The following DAPK1 variants were observed in gnomAD, a reference collection of about 807,000 sequenced individuals.
DAPK1 encodes death-associated protein kinase 1.
Under a neutral mutation model 144.9 loss-of-function variants are expected in DAPK1, and 56 were observed. The ratio of observed to expected loss-of-function variants is 0.39; its 90% CI spans 0.31 to 0.48. The LOEUF (loss-of-function observed/expected upper bound fraction) is 0.48, where lower values mean the gene tolerates loss of function less well. Ranked by LOEUF, DAPK1 falls within the 20% of genes least tolerant of loss-of-function variation. The pLI, the probability that DAPK1 is intolerant of heterozygous loss-of-function variation, is 0.95. For missense variants in DAPK1, 1,454 were observed against 1,875.4 expected (o/e 0.78, Z 4.15); for synonymous variants, 690 against 749.0 (o/e 0.92, Z 1.29).
chr9:87,594,333 GC>G (rs1410548815), intron 2 of DAPK1, among the ~76,000 whole-genome samples: 10 of 152,158 alleles, frequency 6.6e-5, no homozygotes, highest in South Asian at 4.1e-4. Context: ...TAGGGATGGT[GC>G]TGAGTAAAGT....
chr9:87,591,483 G>A (rs1253291088), intron 2 of DAPK1, among the ~76,000 whole-genome samples: 1 of 152,166 alleles, frequency 6.6e-6, no homozygotes, highest in Non-Finnish European at 1.5e-5. Context: ...TATAAATTTA[G>A]GAACCCATAA....
chr9:87,616,605 G>A (rs1829105877), intron 3 of DAPK1, among the ~76,000 whole-genome samples: 2 of 152,220 alleles, frequency 1.3e-5, no homozygotes, highest in African/African-American at 4.8e-5. Context: ...CACACAAACA[G>A]GGAAATTTGA....
intron 2 of DAPK1, among the ~76,000 whole-genome samples, chr9:87,512,747 G>T (rs1437826662): frequency 6.6e-6 from 1 of 152,126 alleles, no homozygotes; most frequent in Non-Finnish European, 1.5e-5. Context: ...AGGTTCAAGA[G>T]ATTCTCCTGC....
At chr9:87,681,076 C>T (rs551973133) in intron 19 of DAPK1, among the ~76,000 whole-genome samples, 25 of 152,128 alleles carry the variant, frequency 1.6e-4, no homozygotes, top group South Asian at 1.5e-3. Flanking sequence ...GTCGGGAGTT[C>T]GAGACCAGCC....
Position 87,681,561 on chromosome 9 carries a change from G to A in DAPK1, c.2159G>A (p.Arg720Gln). 5 of 1,612,916 alleles carry A rather than the reference G, an allele frequency of 3.1e-6. No individual in the cohort carries two copies. The highest frequency in any genetic ancestry group is 2.2e-5 in the East Asian group (1 of 44,864). Residue 720 changes from arginine to glutamine, a missense_variant, in exon 20 of 26, where the codon CGG (arginine) becomes CAG (glutamine). Transcript: ENST00000408954. ...CTGAGGAGCTTTTTCAGAAGGCGTC[G>A]GCCCAGACTGTCTTCCACCAACTCC... ...GLLRSFFRRR[R>Q]PRLSSTNSSR...
chr9:87,643,282 A>G, intron 10 of DAPK1, 94 bp from the exon 11 acceptor site: 4 of 711,928 alleles, frequency 5.6e-6, no homozygotes, highest in Non-Finnish European at 9.2e-6. Flanking sequence ...GTTTGTACTC[A>G]TTTGACAATT....
chr9:87,571,495 C>CACACACA (rs1827350036), intron 2 of DAPK1, among the ~76,000 whole-genome samples: 2 of 30,754 alleles, frequency 6.5e-5, no homozygotes, highest in Middle Eastern at 0.015. Context: ...ACACACACAC[C>CACACACA]CCAACACACA....
chr9:87,539,822 T>C (rs183575894), intron 2 of DAPK1, among the ~76,000 whole-genome samples: 18 of 152,242 alleles, frequency 1.2e-4, no homozygotes, highest in African/African-American at 4.3e-4. Flanking sequence ...CTGTCTACAT[T>C]CGCTGACTGT....
intron 2 of DAPK1, among the ~76,000 whole-genome samples, chr9:87,521,052 T>C (rs745350986): frequency 2.6e-5 from 4 of 152,234 alleles, no homozygotes; most frequent in Non-Finnish European, 5.9e-5. Context: ...AAATCTAATA[T>C]GTGATCTACT....
chr9:87,610,022 C>A (rs1218965346), intron 3 of DAPK1, among the ~76,000 whole-genome samples: 1 of 152,118 alleles, frequency 6.6e-6, no homozygotes, highest in South Asian at 2.1e-4. Context: ...TGCCACTGAC[C>A]CAAAAAGGTA....
At chr9:87,599,908 A>G (rs992098248) in intron 2 of DAPK1, among the ~76,000 whole-genome samples, 2 of 152,172 alleles carry the variant, frequency 1.3e-5, no homozygotes, top group Non-Finnish European at 2.9e-5. Flanking sequence ...GACATCGTAT[A>G]TGTATATGTG....
chr9:87,656,137 G>A lies in DAPK1; in HGVS notation c.1825-1892G>A, dbSNP rs558715488. 1.7e-3 allele frequency among the ~76,000 whole-genome samples: 262 copies of A among 152,292 alleles called. 1 individual carries two copies. The highest frequency in any genetic ancestry group is 3.4e-3 in the Middle Eastern group (1 of 294). Reference sequence around the variant, plus strand: ...TCAGAGTTGATCACTTAAGATGATCGAGGCTTTGACAGATGGAGAAGAGGG... The same window carrying A: ...TCAGAGTTGATCACTTAAGATGATCAAGGCTTTGACAGATGGAGAAGAGGG... On this transcript the variant is annotated intron_variant, in intron 17 of 25. Transcript: ENST00000408954.
At chr9:87,580,935 C>T (rs1048184281) in intron 2 of DAPK1, among the ~76,000 whole-genome samples, 1 of 152,162 alleles carries the variant, frequency 6.6e-6, no homozygotes, top group Non-Finnish European at 1.5e-5. Flanking sequence ...CTTTGTACAA[C>T]TTGACATTGA....
chr9:87,615,405 C>A (rs868192993), intron 3 of DAPK1, among the ~76,000 whole-genome samples: 1 of 152,190 alleles, frequency 6.6e-6, no homozygotes, highest in African/African-American at 2.4e-5. Flanking sequence ...AAGGCAGTGA[C>A]CGAGCATGGC....
intron 2 of DAPK1, among the ~76,000 whole-genome samples, chr9:87,590,362 T>C (rs1587745574): frequency 7.0e-6 from 1 of 143,178 alleles, no homozygotes; most frequent in East Asian, 2.0e-4. Flanking sequence ...GTGCAGATCA[T>C]TGGCCTCAAA....
At chr9:87,616,267 A>G (rs531313053) in intron 3 of DAPK1, among the ~76,000 whole-genome samples, 196 of 152,326 alleles carry the variant, frequency 1.3e-3, no homozygotes, top group African/African-American at 4.6e-3. Flanking sequence ...TGATAGTGGC[A>G]TGTGCCTATA....
At chr9:87,515,651 A>G (rs1169583798) in intron 2 of DAPK1, among the ~76,000 whole-genome samples, 2 of 152,158 alleles carry the variant, frequency 1.3e-5, no homozygotes, top group Non-Finnish European at 2.9e-5. Context: ...GTTTGCACTA[A>G]ATACCCACCT....
chr9:87,629,489 T>C (rs36210042), intron 3 of DAPK1, among the ~76,000 whole-genome samples: 2,918 of 152,324 alleles, frequency 0.019, 101 homozygotes, highest in African/African-American at 0.065. Context: ...GGCAACCTAA[T>C]ACACTACCTA....
chr9:87,609,145 G>A (rs190775482), intron 3 of DAPK1, among the ~76,000 whole-genome samples: 6 of 152,292 alleles, frequency 3.9e-5, no homozygotes, highest in South Asian at 4.1e-4. Context: ...CTGGGACACC[G>A]GCTTTTCCTT....
Sources: gnomAD v4.1 joint callset for allele counts (sites outside exome capture counted in the v4.1 genomes callset) on GRCh38, gnomAD v4.1.1 for gene constraint, MANE v1.5 for transcripts, NCBI Gene and HGNC (gene_info 2026-07-23, HGNC 2026-07-21) for gene names.